Variants in PSD3 observed in about 807,000 individuals in gnomAD.
PSD3 encodes the protein pleckstrin and Sec7 domain containing 3.
PSD3 carries 49 observed loss-of-function variants against 105.5 expected under a neutral mutation model. The ratio of observed to expected loss-of-function variants is 0.46; its 90% confidence interval spans 0.37 to 0.59. The LOEUF is 0.59. Among genes scored for constraint, PSD3 ranks in the 20% least tolerant of loss-of-function variants. The pLI, the probability that PSD3 is intolerant of heterozygous loss-of-function variation, is 0.00. For synonymous variants in PSD3, 557 were observed against 457.8 expected (o/e 1.22, Z -2.77); for missense variants, 1,561 against 1,263.8 (o/e 1.24, Z -3.57).
chr8:18,763,665 G>A (rs188081071), intron 9 of PSD3, among the ~76,000 whole-genome samples: 1 of 152,102 alleles, frequency 6.6e-6, no homozygotes, highest in East Asian at 1.9e-4. Flanking sequence ...GGAAAGGGAA[G>A]GAAAACCGAA....
rs1035121886 is a variant in PSD3 at position 18,532,409 on chromosome 8, C to G, written c.*3334G>C. On this transcript the variant is annotated 3_prime_UTR_variant, in exon 16 of 16. Coordinates refer to ENST00000327040, the MANE Select transcript of PSD3 (RefSeq NM_015310.4). ...TGTCACTTTTGCCCAGGGGCCAGTC[C>G]TCATTTTCTAGATTAGGATAACAGT... 1 of 152,172 alleles carries G rather than the reference C, an allele frequency of 6.6e-6. No homozygotes were observed. Among genetic ancestry groups the G allele is most frequent in the Non-Finnish European group, 1.5e-5 (1 of 68,046 alleles). The allele number at this position is 152,172 out of a possible 1,614,324, so 9.4% of individuals were successfully genotyped here. A position where few individuals can be genotyped will look rare whatever the true frequency, so the allele number is the denominator to read the frequency against.
At chr8:18,863,550 G>T (rs950434021) in intron 4 of PSD3, among the ~76,000 whole-genome samples, 2 of 152,154 alleles carry the variant, frequency 1.3e-5, no homozygotes, top group African/African-American at 4.8e-5. Context: ...GGCAGAGCAA[G>T]CACCTGGGAG....
chr8:18,795,045 G>C (rs541661122), intron 8 of PSD3, among the ~76,000 whole-genome samples: 1 of 152,258 alleles, frequency 6.6e-6, no homozygotes, highest in South Asian at 2.1e-4. Flanking sequence ...TTATAGATTA[G>C]AAAAGAAATA....
intron 8 of PSD3, chr8:18,786,980 C>A (rs186119822): frequency 2.0e-4 from 30 of 152,306 alleles, no homozygotes; most frequent in African/African-American, 7.2e-4. Context: ...AAGTCTTTGT[C>A]ATCAAGAAAT....
chr8:19,028,745 T>C (rs1239308703), intron 1 of PSD3, among the ~76,000 whole-genome samples: 1 of 152,196 alleles, frequency 6.6e-6, no homozygotes, highest in Non-Finnish European at 1.5e-5. Flanking sequence ...TGTCCTGAGA[T>C]ATCTTTCCCT....
intron 10 of PSD3, among the ~76,000 whole-genome samples, chr8:18,633,955 C>A (rs976948219): frequency 6.6e-6 from 1 of 151,952 alleles, no homozygotes; most frequent in African/African-American, 2.4e-5. Context: ...TAATAACAGC[C>A]ATTCTGACTG....
intron 1 of PSD3, among the ~76,000 whole-genome samples, chr8:19,038,818 A>G (rs1828031126): frequency 6.6e-6 from 1 of 152,246 alleles, no homozygotes; most frequent in Admixed American, 6.5e-5. Flanking sequence ...TGTGTTAGAC[A>G]CTGGGCTAAG....
chr8:18,750,956 G>A (rs1294374284), intron 9 of PSD3, among the ~76,000 whole-genome samples: 1 of 152,138 alleles, frequency 6.6e-6, no homozygotes, highest in East Asian at 1.9e-4. Context: ...CTCCCCACCA[G>A]ACTCAGGAGA....
At chr8:18,671,689 G>A (rs561025432) in intron 9 of PSD3, among the ~76,000 whole-genome samples, 3 of 151,622 alleles carry the variant, frequency 2.0e-5, no homozygotes, top group Non-Finnish European at 2.9e-5. Context: ...CTGGAGGGCA[G>A]TGCGCGATCT....
chr8:18,801,876 G>C (rs2129447414), intron 6 of PSD3, among the ~76,000 whole-genome samples: 1 of 152,148 alleles, frequency 6.6e-6, no homozygotes, highest in Admixed American at 6.5e-5. Flanking sequence ...TGATAACAGA[G>C]TGGTCAGTAC....
chr8:18,888,817 T>A (rs1438786208), intron 2 of PSD3, among the ~76,000 whole-genome samples: 1 of 152,182 alleles, frequency 6.6e-6, no homozygotes, highest in Non-Finnish European at 1.5e-5. Context: ...GCAAGCCTTC[T>A]AAGACCGCTC....
At chr8:18,749,270 G>C (rs1805283152) in intron 9 of PSD3, among the ~76,000 whole-genome samples, 1 of 152,112 alleles carries the variant, frequency 6.6e-6, no homozygotes, top group Non-Finnish European at 1.5e-5. Context: ...CATCTAAGCT[G>C]TTACCCCACA....
chr8:18,956,266 G>A (rs943636164), intron 1 of PSD3, among the ~76,000 whole-genome samples: 1 of 152,178 alleles, frequency 6.6e-6, no homozygotes, highest in African/African-American at 2.4e-5. Context: ...AAGTATAAGA[G>A]ATCAGGGCTT....
intron 10 of PSD3, among the ~76,000 whole-genome samples, chr8:18,637,744 C>G (rs181651719): frequency 9.2e-5 from 14 of 152,208 alleles, no homozygotes; most frequent in African/African-American, 2.9e-4. Flanking sequence ...CTATTTGTAT[C>G]TACAACCAAT....
At chr8:18,978,498 T>C (rs560081579) in intron 1 of PSD3, among the ~76,000 whole-genome samples, 1 of 152,302 alleles carries the variant, frequency 6.6e-6, no homozygotes, top group East Asian at 1.9e-4. Context: ...TTCTAAAACA[T>C]GCACCTTTCA....
chr8:18,745,689 T>C (rs934713776), intron 9 of PSD3, among the ~76,000 whole-genome samples: 3 of 152,236 alleles, frequency 2.0e-5, no homozygotes, highest in Non-Finnish European at 4.4e-5. Context: ...TCAGTGCTTC[T>C]AGATCCGCTC....
At chr8:18,904,716 A>G (rs1181041355) in intron 2 of PSD3, among the ~76,000 whole-genome samples, 2 of 152,232 alleles carry the variant, frequency 1.3e-5, no homozygotes, top group Admixed American at 1.3e-4. Context: ...TTTTCTGTAA[A>G]GGACCAGACA....
rs764362478 is a variant in PSD3 at position 18,532,184 on chromosome 8, T to G, written c.*3559A>C. 2 of 152,196 alleles carry G rather than the reference T, an allele frequency of 1.3e-5. No individual in the cohort carries two copies. Among genetic ancestry groups the G allele is most frequent in the African/African-American group, 4.8e-5 (2 of 41,450 alleles). The allele number at this position is 152,196 out of a possible 1,614,324, so 9.4% of individuals were successfully genotyped here. ...TCATCCTTCCCAGATCTTTACATGA[T>G]AGAGGGAGCAATAGGCAAAGGACAG... On this transcript the variant is annotated 3_prime_UTR_variant, in exon 16 of 16. Transcript: ENST00000327040.
In PSD3 at chr8:18,598,846, G is replaced by A. The variant is rs941911692; in HGVS notation, c.2481+1518C>T. On this transcript the variant is annotated intron_variant, in intron 12 of 15. Transcript: ENST00000327040. ...AATAAACATGATCAAGAAGGCAAAAGACATATACACTGAAAACTATAAAAC... is the reference window on the plus strand; with the variant it reads ...AATAAACATGATCAAGAAGGCAAAAAACATATACACTGAAAACTATAAAAC... Among the ~76,000 whole-genome samples, 11 of 151,910 alleles carry A rather than the reference G, an allele frequency of 7.2e-5. No individual in the cohort carries two copies. The East Asian group carries it at 2.1e-3, about 29-fold the overall frequency.
Sources: gnomAD v4.1 joint callset for allele counts (sites outside exome capture counted in the v4.1 genomes callset) on GRCh38, gnomAD v4.1.1 for gene constraint, MANE v1.5 for transcripts, NCBI Gene and HGNC (gene_info 2026-07-23, HGNC 2026-07-21) for gene names.